The following PKHD1 variants were observed in gnomAD, a reference collection of about 807,000 sequenced individuals.
PKHD1 encodes the protein PKHD1 ciliary IPT domain containing fibrocystin/polyductin.
Under a neutral mutation model 412.0 loss-of-function variants are expected in PKHD1, and 291 were observed. That is an observed-to-expected ratio of 0.71 (90% CI 0.64 to 0.78). The LOEUF is 0.78. PKHD1 is among the 30% of genes least tolerant of loss of function. The pLI, the probability that PKHD1 is intolerant of heterozygous loss-of-function variation, is 0.00. For missense variants in PKHD1, 4,825 were observed against 4,950.7 expected, an observed-to-expected ratio of 0.97 and a Z score of 0.76; for synonymous variants, 1,777 against 1,821.5, an observed-to-expected ratio of 0.98 and a Z score of 0.62.
intron 52 of PKHD1, among the ~76,000 whole-genome samples, chr6:51,809,244 T>C (rs981210262): frequency 3.9e-5 from 6 of 152,116 alleles, no homozygotes; most frequent in Admixed American, 3.3e-4. Flanking sequence ...ATGGCATGAC[T>C]TGGGAACACA....
chr6:51,931,486 G>A (rs920426648), intron 37 of PKHD1, among the ~76,000 whole-genome samples: 1 of 152,170 alleles, frequency 6.6e-6, no homozygotes, highest in Admixed American at 6.5e-5. Context: ...ATACCACCAC[G>A]CTGGAGGGGA....
intron 35 of PKHD1, among the ~76,000 whole-genome samples, chr6:51,982,116 T>G: frequency 2.1e-5 from 1 of 48,562 alleles, no homozygotes; most frequent in East Asian, 5.5e-4. Flanking sequence ...AGCCCCTCCG[T>G]CCGGCAGCCA....
intron 36 of PKHD1, among the ~76,000 whole-genome samples, chr6:51,940,287 A>G (rs1583474518): frequency 6.6e-6 from 1 of 151,920 alleles, no homozygotes; most frequent in East Asian, 1.9e-4. Context: ...TTCAAGGTGT[A>G]CTATAATAGA....
chr6:51,812,362 C>T (rs1270242103), intron 52 of PKHD1, among the ~76,000 whole-genome samples: 1 of 152,092 alleles, frequency 6.6e-6, no homozygotes, highest in Non-Finnish European at 1.5e-5. Flanking sequence ...GCCTCCCAAC[C>T]AACTGAATGG....
At position 51,632,703 on chromosome 6, in the gene PKHD1, A is replaced by T. The variant is rs2150304580; in HGVS notation, c.11527T>A (p.Ser3843Thr). The T allele has an allele frequency of 1.2e-6, 2 of 1,613,496 alleles. No individual in the cohort carries two copies. Among genetic ancestry groups the T allele is most frequent in the East Asian group, 4.5e-5 (2 of 44,866 alleles). The change falls in exon 65 of 67, where the codon TCC becomes ACC. Residue 3843 changes from serine to threonine, a missense_variant. By Grantham distance (58) the Ser-to-Thr change is moderately conservative. Transcript: ENST00000371117. ...ACAGGCAAGACAGCAAATGGCTTGG[A>T]TCGAGCTGTAAAATTGACTCCTGTG... ...SPPGVNFTAR[S>T]KPFAVLPVTR...
intron 61 of PKHD1, among the ~76,000 whole-genome samples, chr6:51,655,911 AT>A (rs1771752008): frequency 6.6e-6 from 1 of 152,182 alleles, no homozygotes; most frequent in Admixed American, 6.5e-5. Context: ...TAGTTCAACC[AT>A]TGTGGAAGAG....
intron 55 of PKHD1, among the ~76,000 whole-genome samples, chr6:51,767,805 G>C (rs934748221): frequency 1.3e-5 from 2 of 152,180 alleles, no homozygotes; most frequent in Non-Finnish European, 2.9e-5. Context: ...ATAGCAGCAT[G>C]ATTTATAATC....
chr6:51,673,726 G>A (rs1207504122), intron 60 of PKHD1, among the ~76,000 whole-genome samples: 1 of 152,112 alleles, frequency 6.6e-6, no homozygotes, highest in Non-Finnish European at 1.5e-5. Flanking sequence ...TTTTATTAAG[G>A]GATATTATTT....
intron 31 of PKHD1, among the ~76,000 whole-genome samples, chr6:52,027,358 C>T (rs1361377600): frequency 6.6e-6 from 1 of 151,668 alleles, no homozygotes; most frequent in South Asian, 2.1e-4. Flanking sequence ...ATGGTGAAAC[C>T]CCATCTCTAC....
intron 35 of PKHD1, among the ~76,000 whole-genome samples, chr6:51,966,076 T>C (rs1349044545): frequency 2.6e-5 from 4 of 152,154 alleles, no homozygotes; most frequent in African/African-American, 9.7e-5. Context: ...CACTAATCCT[T>C]ATGTAAACCC....
At chr6:52,060,069 A>G in intron 14 of PKHD1, 27 bp from the exon 15 acceptor site, 1 of 1,235,218 alleles carries the variant, frequency 8.1e-7, no homozygotes, top group African/African-American at 1.5e-5. Flanking sequence ...AGAGTCAAGC[A>G]AGAGTAACCA....
chr6:51,726,450 G>A (rs142210332), intron 60 of PKHD1, among the ~76,000 whole-genome samples: 26 of 152,228 alleles, frequency 1.7e-4, no homozygotes, highest in Non-Finnish European at 2.1e-4. Flanking sequence ...TACTGGCCCC[G>A]CAGGAACTGG....
At chr6:51,805,286 C>T (rs1250243028) in intron 52 of PKHD1, among the ~76,000 whole-genome samples, 1 of 152,154 alleles carries the variant, frequency 6.6e-6, no homozygotes, top group Non-Finnish European at 1.5e-5. Context: ...GAACAGAAAA[C>T]TAAATACTAC....
intron 25 of PKHD1, among the ~76,000 whole-genome samples, chr6:52,044,362 T>C (rs1041667164): frequency 6.6e-6 from 1 of 152,216 alleles, no homozygotes; most frequent in Non-Finnish European, 1.5e-5. Flanking sequence ...CAGATTATAT[T>C]CATGACAGTG....
intron 55 of PKHD1, among the ~76,000 whole-genome samples, chr6:51,756,012 T>A (rs1162901751): frequency 6.6e-6 from 1 of 152,194 alleles, no homozygotes; most frequent in Non-Finnish European, 1.5e-5. Context: ...TACAGATGTT[T>A]AATATATAGT....
intron 23 of PKHD1, among the ~76,000 whole-genome samples, 192 bp from the exon 24 acceptor site, chr6:52,046,380 G>C (rs942709956): frequency 1.3e-5 from 2 of 152,132 alleles, no homozygotes; most frequent in Non-Finnish European, 2.9e-5. Flanking sequence ...AAGACAAGTA[G>C]ATGCCCACTT....
At chr6:51,799,950 C>T (rs1762650193) in intron 52 of PKHD1, among the ~76,000 whole-genome samples, 1 of 152,140 alleles carries the variant, frequency 6.6e-6, no homozygotes, top group Non-Finnish European at 1.5e-5. Flanking sequence ...ACAGATATTC[C>T]ACCCTATCCT....
At chr6:51,650,396 C>A (rs1008036890) in intron 61 of PKHD1, among the ~76,000 whole-genome samples, 2 of 152,040 alleles carry the variant, frequency 1.3e-5, no homozygotes, top group Non-Finnish European at 2.9e-5. Context: ...CATAGAGCAA[C>A]CCTTGGTGAG....
intron 63 of PKHD1, among the ~76,000 whole-genome samples, chr6:51,640,656 A>T (rs994162245): frequency 6.6e-6 from 1 of 152,170 alleles, no homozygotes; most frequent in African/African-American, 2.4e-5. Flanking sequence ...GGGTTTCTGC[A>T]GGATAGATAG....
Sources: allele counts gnomAD v4.1 joint callset (sites outside exome capture counted in the v4.1 genomes callset), GRCh38; gene constraint gnomAD v4.1.1; transcripts MANE v1.5; gene names NCBI Gene and HGNC (gene_info 2026-07-23, HGNC 2026-07-21).